TLR5: variants seen among roughly 807,000 people sequenced by gnomAD.
The protein encoded by TLR5 is toll-like receptor 5.
For synonymous variants in TLR5, 373 were observed against 384.4 expected (o/e 0.97, Z 0.35); for missense variants, 944 against 999.8 (o/e 0.94, Z 0.75).
In TLR5 at chr1:223,112,071, A is replaced by G; in HGVS notation, c.961T>C (p.Tyr321His). ...TCTGCAATCTTATTTATCTTGTTGTAGGCAAGGTTCAGAACCTTCAAATCC... is the reference window on the plus strand; with the variant it reads ...TCTGCAATCTTATTTATCTTGTTGTGGGCAAGGTTCAGAACCTTCAAATCC... ...LKDLKVLNLAYNKINKIADEA... is the reference protein window; with the variant it reads ...LKDLKVLNLAHNKINKIADEA... The change falls in exon 6 of 6, where the codon TAC becomes CAC. Residue 321 changes from tyrosine to histidine, a missense_variant. Physicochemically the swap from Tyr to His is moderately conservative, Grantham distance 83 (BLOSUM62 2). Coordinates refer to ENST00000642603, the MANE Select transcript of TLR5 (RefSeq NM_003268.6). The G allele has an allele frequency of 1.2e-6, 2 of 1,614,224 alleles. No individual in the cohort carries two copies. The highest frequency in any genetic ancestry group is 1.7e-6 in the Non-Finnish European group (2 of 1,180,038).
chr1:223,113,709 C>T (rs1013744860), intron 5 of TLR5, among the ~76,000 whole-genome samples: 7 of 152,174 alleles, frequency 4.6e-5, no homozygotes, highest in African/African-American at 1.7e-4. Context: ...ATCCTCCTAC[C>T]TTGGCCTCCC....
At chr1:223,133,285 T>C (rs1657465636) in intron 4 of TLR5, among the ~76,000 whole-genome samples, 1 of 152,192 alleles carries the variant, frequency 6.6e-6, no homozygotes, top group African/African-American at 2.4e-5. Context: ...CGGATTTGAA[T>C]CCCGCTGCAA....
chr1:223,110,390 C>T lies in TLR5; in HGVS notation c.*65G>A. 6.4e-7 allele frequency: 1 copy of T among 1,572,044 alleles called. No individual in the cohort carries two copies. Among genetic ancestry groups the T allele is most frequent in the Non-Finnish European group, 8.7e-7 (1 of 1,146,684 alleles). ...TCCAGAGAGGACCCCAAAATGATAA[C>T]TTGGTGCAAATACAAAGTGAAGAGT... On this transcript the variant is annotated 3_prime_UTR_variant, in exon 6 of 6. Transcript: ENST00000642603.
chr1:223,113,575 A>G (rs933298069), intron 5 of TLR5, among the ~76,000 whole-genome samples: 1 of 152,162 alleles, frequency 6.6e-6, no homozygotes, highest in African/African-American at 2.4e-5. Context: ...GGTACTTAAA[A>G]AACATTTCAC....
rs746503228 is a variant in TLR5, at chr1:223,112,761, A to T, written c.271T>A (p.Phe91Ile). 2 of 1,613,944 alleles carry T rather than the reference A, an allele frequency of 1.2e-6. No individual in the cohort carries two copies. Among genetic ancestry groups the T allele is most frequent in the Non-Finnish European group, 1.7e-6 (2 of 1,179,998 alleles). ...ATTCTAAGGTTGGGCAGGTTTCTGA[A>T]GGCCTCCTTGTCAATAGTCAAGGGG... ...YTPLTIDKEA[F>I]RNLPNLRILD... The change falls in exon 6 of 6, where the codon TTC becomes ATC. Residue 91 changes from phenylalanine to isoleucine, a missense_variant. Phe to Ile is a conservative substitution (Grantham distance 21, BLOSUM62 0). Transcript: ENST00000642603.
Position 223,110,691 on chromosome 1 carries a change from A to ATAAGCACCTGCCCTGGGCAT in TLR5, c.2321_2340dup (p.Ser781MetfsTer27). 6.2e-7 allele frequency: 1 copy of ATAAGCACCTGCCCTGGGCAT among 1,614,200 alleles called. No homozygotes were observed. The highest frequency in any genetic ancestry group is 8.5e-7 in the Non-Finnish European group (1 of 1,180,024). Reference sequence around the variant, plus strand: ...ATGATGAGAGCACTGTTAAGGTCAGATAAGCACCTGCCCTGGGCATAACTG... The same window carrying ATAAGCACCTGCCCTGGGCAT: ...ATGATGAGAGCACTGTTAAGGTCAGATAAGCACCTGCCCTGGGCATTAAGCACCTGCCCTGGGCATAACTG... On this transcript the variant is annotated frameshift_variant, in exon 6 of 6. Transcript: ENST00000642603. LOFTEE classifies it low-confidence loss of function (END_TRUNC).
chr1:223,119,978 TAAATA>T (rs1553268250), intron 5 of TLR5, among the ~76,000 whole-genome samples: 3,956 of 41,712 alleles, frequency 0.095, 572 homozygotes, highest in East Asian at 0.3. Context: ...TAAAATAAAA[TAAATA>T]AAATAAAATA....
Position 223,110,427 on chromosome 1 carries a change from T to C in TLR5, c.*28A>G. On this transcript the variant is annotated 3_prime_UTR_variant, in exon 6 of 6. Transcript: ENST00000642603. The stretch of plus-strand genomic sequence containing the variant: ...ACAAAGTGAAGAGTTATTTGTGGCT[T>C]GAGATAAGTTGGAAATTGCTCCTTT... 6.3e-7 allele frequency: 1 copy of C among 1,598,122 alleles called. No individual in the cohort carries two copies. The highest frequency in any genetic ancestry group is 8.6e-7 in the Non-Finnish European group (1 of 1,166,512).
At chr1:223,118,496 G>A (rs1221230028) in intron 5 of TLR5, among the ~76,000 whole-genome samples, 5 of 151,462 alleles carry the variant, frequency 3.3e-5, no homozygotes, top group Non-Finnish European at 1.5e-5. Flanking sequence ...GCAGTGAGCT[G>A]AGCTTGTGCC....
At chr1:223,126,566 G>A (rs1290463517) in intron 5 of TLR5, among the ~76,000 whole-genome samples, 1 of 152,108 alleles carries the variant, frequency 6.6e-6, no homozygotes, top group Non-Finnish European at 1.5e-5. Flanking sequence ...TACCCAAACT[G>A]GACTTCTCAA....
intron 5 of TLR5, among the ~76,000 whole-genome samples, chr1:223,115,100 C>T (rs1656562490): frequency 6.6e-6 from 1 of 152,176 alleles, no homozygotes; most frequent in Non-Finnish European, 1.5e-5. Flanking sequence ...AGGGCCCTTC[C>T]CTTCCTTCCT....
Position 223,120,323 on chromosome 1 carries a change from G to A in TLR5, c.-4-7288C>T, listed in dbSNP as rs73118106. 8.1e-3 allele frequency among the ~76,000 whole-genome samples: 1,238 copies of A among 152,218 alleles called. 18 individuals are homozygous for A. The highest frequency in any genetic ancestry group is 0.029 in the African/African-American group (1,193 of 41,520). Reference sequence around the variant, plus strand: ...CTTTCTTCACAACCCCTTGATTCCAGGCCTTTAGATAAAAACTTGATTCTT... The same window carrying A: ...CTTTCTTCACAACCCCTTGATTCCAAGCCTTTAGATAAAAACTTGATTCTT... On this transcript the variant is annotated intron_variant, in intron 5 of 5. Coordinates refer to ENST00000642603, the MANE Select transcript of TLR5 (RefSeq NM_003268.6).
At chr1:223,124,487 C>T (rs1657087471) in intron 5 of TLR5, among the ~76,000 whole-genome samples, 2 of 151,904 alleles carry the variant, frequency 1.3e-5, no homozygotes, top group South Asian at 4.2e-4. Context: ...GATTGGAGCC[C>T]CCTTAAGGTA....
At chr1:223,118,174 T>C (rs1656771449) in intron 5 of TLR5, among the ~76,000 whole-genome samples, 1 of 152,134 alleles carries the variant, frequency 6.6e-6, no homozygotes, top group South Asian at 2.1e-4. Context: ...TCCAGAAGCA[T>C]GAGACAACTG....
At chr1:223,117,589 G>C (rs796546290) in intron 5 of TLR5, among the ~76,000 whole-genome samples, 1 of 139,736 alleles carries the variant, frequency 7.2e-6, no homozygotes, top group African/African-American at 2.6e-5. Context: ...AAAAAGAAAA[G>C]AAAAGAAAAA....
At chr1:223,119,992 T>TAAAATAAAATAAAATAAAATAAATAAAA (rs1656875683) in intron 5 of TLR5, among the ~76,000 whole-genome samples, 3 of 54,244 alleles carry the variant, frequency 5.5e-5, no homozygotes, top group Admixed American at 4.1e-4. Context: ...TAAAATAAAA[T>TAAAATAAAATAAAATAAAATAAATAAAA]AAAATAAAAT....
intron 5 of TLR5, chr1:223,126,854 T>G (rs2102910117): frequency 6.6e-6 from 1 of 152,366 alleles, no homozygotes; most frequent in East Asian, 1.9e-4. Context: ...CAGGCTTCAA[T>G]ACTCCTGCCA....
intron 5 of TLR5, among the ~76,000 whole-genome samples, chr1:223,125,803 G>A (rs930504060): frequency 1.2e-4 from 19 of 152,206 alleles, no homozygotes; most frequent in Non-Finnish European, 1.8e-4. Flanking sequence ...TACAAATTTA[G>A]TTGGTGTGGA....
chr1:223,110,604 CA>C lies in TLR5; in HGVS notation c.2427del (p.Phe809LeufsTer8), dbSNP rs1485011474. 6.2e-7 allele frequency: 1 copy of C among 1,614,064 alleles called. No individual in the cohort carries two copies. The highest frequency in any genetic ancestry group is 8.5e-7 in the Non-Finnish European group (1 of 1,180,040). On this transcript the variant is annotated frameshift_variant, in exon 6 of 6. Transcript: ENST00000642603. LOFTEE classifies it low-confidence loss of function (END_TRUNC). ...QLMKHQSIRG[F>X]VQKQQYLRWP... ...CACCTCAAATACTGCTGTTTCTGTACAAAGCCTCTGATGGATTGATGTTTCA... is the reference window on the plus strand; with the variant it reads ...CACCTCAAATACTGCTGTTTCTGTACAAGCCTCTGATGGATTGATGTTTCA...
Sources: gnomAD v4.1 joint callset for allele counts (sites outside exome capture counted in the v4.1 genomes callset) on GRCh38, gnomAD v4.1.1 for gene constraint, MANE v1.5 for transcripts, NCBI Gene and HGNC (gene_info 2026-07-23, HGNC 2026-07-21) for gene names.